Variants in GSDMC observed in about 807,000 individuals in gnomAD.
GSDMC encodes the protein gasdermin-C.
Under a neutral mutation model 58.0 loss-of-function variants are expected in GSDMC, and 59 were observed. The observed-to-expected ratio is 1.02, with a 90% CI of 0.82 to 1.26. The LOEUF (loss-of-function observed/expected upper bound fraction) is 1.26. Ranked by LOEUF, GSDMC falls within the 50% of genes most tolerant of loss-of-function variation. The probability of loss-of-function intolerance (pLI) is 0.00; values close to 1 mark genes in which losing one functional copy is unlikely to be tolerated. For synonymous variants in GSDMC, 241 were observed against 220.2 expected (o/e 1.09, Z -0.83); for missense variants, 659 against 598.5 (o/e 1.10, Z -1.06).
At chr8:129,769,088 A>G (rs1373519455) in intron 3 of GSDMC, among the ~76,000 whole-genome samples, 1 of 148,566 alleles carries the variant, frequency 6.7e-6, no homozygotes, top group African/African-American at 2.4e-5. Flanking sequence ...AAAGGAAAGG[A>G]GAGGAGAGGA....
At chr8:129,707,256 G>C in the GSDMC span, 1 of 151,892 alleles carries the variant, frequency 6.6e-6, no homozygotes, top group Non-Finnish European at 1.5e-5. Flanking sequence ...AAAAATATTT[G>C]ATTGGATAAG....
chr8:129,782,409 G>T (rs1043796390), intron 1 of GSDMC, among the ~76,000 whole-genome samples: 3 of 151,898 alleles, frequency 2.0e-5, no homozygotes, highest in African/African-American at 7.3e-5. Flanking sequence ...CAATACAAAA[G>T]ATGAATGAAA....
downstream of GSDMC, among the ~76,000 whole-genome samples, chr8:129,747,528 A>G (rs7816625): frequency 0.6 from 91,596 of 151,868 alleles, 30,434 homozygotes; most frequent in African/African-American, 0.88. Context: ...TGAAAATGTC[A>G]GCCAAGGTGA....
chr8:129,759,924 C>T (rs2033591345), intron 6 of GSDMC, among the ~76,000 whole-genome samples: 1 of 152,090 alleles, frequency 6.6e-6, no homozygotes, highest in South Asian at 2.1e-4. Context: ...AACATTGCAA[C>T]ACTGTTCACA....
intron 1 of GSDMC, among the ~76,000 whole-genome samples, chr8:129,782,640 C>G (rs1157269437): frequency 6.6e-6 from 1 of 151,972 alleles, no homozygotes; most frequent in Non-Finnish European, 1.5e-5. Flanking sequence ...AAACATACAA[C>G]CTACCAAGAT....
the GSDMC span, among the ~76,000 whole-genome samples, chr8:129,733,721 G>A: frequency 1.3e-5 from 2 of 152,178 alleles, no homozygotes; most frequent in African/African-American, 4.8e-5. Context: ...AGAGAAACCA[G>A]AGCAGAAAAG....
chr8:129,766,100 G>GA (rs942531263), intron 3 of GSDMC, among the ~76,000 whole-genome samples: 2 of 151,820 alleles, frequency 1.3e-5, no homozygotes, highest in African/African-American at 2.4e-5. Flanking sequence ...GGGTCTCTCA[G>GA]AAAAAAAAGG....
At chr8:129,750,146 T>C (rs2033123480) in intron 11 of GSDMC, 27 bp from the exon 12 acceptor site, 4 of 1,464,192 alleles carry the variant, frequency 2.7e-6, no homozygotes, top group Non-Finnish European at 3.7e-6. Context: ...TTATTGTTAA[T>C]AATAATACTA....
chr8:129,754,299 CAGAG>C (rs145563123), intron 6 of GSDMC, among the ~76,000 whole-genome samples: 1 of 151,706 alleles, frequency 6.6e-6, no homozygotes, highest in Non-Finnish European at 1.5e-5. Context: ...TGGCTCAGTA[CAGAG>C]AGAGAGACCC....
chr8:129,753,503 G>A (rs946337538), intron 6 of GSDMC, among the ~76,000 whole-genome samples: 10 of 152,214 alleles, frequency 6.6e-5, no homozygotes, highest in African/African-American at 2.2e-4. Context: ...CAGTACCCAG[G>A]TGGTATGTAG....
chr8:129,773,383 T>C (rs1713041933), intron 3 of GSDMC, among the ~76,000 whole-genome samples: 2 of 152,226 alleles, frequency 1.3e-5, no homozygotes, highest in Non-Finnish European at 2.9e-5. Flanking sequence ...AAAAACTTCA[T>C]TTAAAAAATG....
the GSDMC span, among the ~76,000 whole-genome samples, chr8:129,717,059 G>A: frequency 1.3e-5 from 2 of 152,124 alleles, no homozygotes; most frequent in Non-Finnish European, 1.5e-5. Flanking sequence ...GTTCTTCAGG[G>A]ATATTGGCCT....
At chr8:129,738,581 C>T in the GSDMC span, among the ~76,000 whole-genome samples, 24,549 of 152,124 alleles carry the variant, frequency 0.16, 2,587 homozygotes, top group Non-Finnish European at 0.23. Flanking sequence ...CGCATGTTCT[C>T]ACTCATAGGT....
chr8:129,781,940 C>T (rs2034427704), intron 1 of GSDMC, among the ~76,000 whole-genome samples: 1 of 152,162 alleles, frequency 6.6e-6, no homozygotes, highest in Admixed American at 6.5e-5. Context: ...TCACATGGAT[C>T]ATTCTCAAGC....
At chr8:129,725,243 C>A in the GSDMC span, among the ~76,000 whole-genome samples, 2 of 152,212 alleles carry the variant, frequency 1.3e-5, no homozygotes, top group Non-Finnish European at 2.9e-5. Flanking sequence ...CAGCACGTCC[C>A]TGTCCTGTTC....
intron 1 of GSDMC, among the ~76,000 whole-genome samples, chr8:129,784,030 G>T (rs928983124): frequency 6.6e-6 from 1 of 152,178 alleles, no homozygotes; most frequent in South Asian, 2.1e-4. Flanking sequence ...GGGAAACCTG[G>T]ATATTCATAT....
chr8:129,725,270 G>C, the GSDMC span, among the ~76,000 whole-genome samples: 1 of 152,326 alleles, frequency 6.6e-6, no homozygotes, highest in South Asian at 2.1e-4. Context: ...AATAAAGCTG[G>C]TATAGATTAA....
At chr8:129,737,214 C>T in the GSDMC span, among the ~76,000 whole-genome samples, 1 of 152,124 alleles carries the variant, frequency 6.6e-6, no homozygotes, top group Non-Finnish European at 1.5e-5. Flanking sequence ...GGCCATACTG[C>T]CCAAGGTAAT....
chr8:129,729,321 A>G, the GSDMC span: 4 of 525,470 alleles, frequency 7.6e-6, no homozygotes, highest in Non-Finnish European at 1.4e-5. Context: ...TTTTTTAATT[A>G]TTATTATACT....
Sources: gnomAD v4.1 joint callset for allele counts (sites outside exome capture counted in the v4.1 genomes callset) on GRCh38, gnomAD v4.1.1 for gene constraint, MANE v1.5 for transcripts, NCBI Gene and HGNC (gene_info 2026-07-23, HGNC 2026-07-21) for gene names.